The following EHD4 variants were observed in gnomAD, a reference collection of about 807,000 sequenced individuals.
EHD4 encodes the protein EH domain-containing protein 4.
Under a neutral mutation model 51.0 loss-of-function variants are expected in EHD4, and 37 were observed. The observed-to-expected ratio is 0.73, with a 90% CI of 0.56 to 0.95. The LOEUF (loss-of-function observed/expected upper bound fraction) is 0.95. Among genes scored for constraint, EHD4 ranks in the 40% least tolerant of loss-of-function variants. The pLI is 0.00. For missense variants in EHD4, 632 were observed against 733.1 expected (o/e 0.86, Z 1.59); for synonymous variants, 297 against 317.3 (o/e 0.94, Z 0.68).
chr15:41,926,589 A>G (rs2067663126), intron 3 of EHD4, among the ~76,000 whole-genome samples: 1 of 152,110 alleles, frequency 6.6e-6, no homozygotes, highest in Admixed American at 6.5e-5. Context: ...AACCTCACTA[A>G]TCTAGCCCTC....
At chr15:41,958,395 G>A (rs1411633764) in intron 1 of EHD4, among the ~76,000 whole-genome samples, 1 of 152,110 alleles carries the variant, frequency 6.6e-6, no homozygotes, top group Non-Finnish European at 1.5e-5. Flanking sequence ...GTCCGATGAG[G>A]TCCCCAGTTC....
intron 1 of EHD4, among the ~76,000 whole-genome samples, chr15:41,962,327 C>T (rs765012152): frequency 2.6e-5 from 4 of 151,726 alleles, no homozygotes; most frequent in Non-Finnish European, 2.9e-5. Context: ...GAGTAATGCA[C>T]GCAGAAGAGT....
intron 1 of EHD4, among the ~76,000 whole-genome samples, chr15:41,960,422 T>C (rs2067917144): frequency 6.6e-6 from 1 of 152,210 alleles, no homozygotes; most frequent in African/African-American, 2.4e-5. Context: ...CATCTTGATT[T>C]TTCACCATTA....
At chr15:41,940,920 G>C (rs1451433082) in intron 3 of EHD4, among the ~76,000 whole-genome samples, 1 of 152,112 alleles carries the variant, frequency 6.6e-6, no homozygotes, top group South Asian at 2.1e-4. Context: ...GCCAAAATCC[G>C]GAGGCCTTAA....
At chr15:41,967,254 G>T (rs1363906619) in intron 1 of EHD4, among the ~76,000 whole-genome samples, 1 of 152,162 alleles carries the variant, frequency 6.6e-6, no homozygotes, top group Non-Finnish European at 1.5e-5. Context: ...CTTTTAGGCT[G>T]CATTCTCAGG....
intron 5 of EHD4, among the ~76,000 whole-genome samples, chr15:41,902,777 GTATATATATGTATGTGTA>G (rs1399971302): frequency 6.7e-6 from 1 of 148,412 alleles, no homozygotes; most frequent in Non-Finnish European, 1.5e-5. Context: ...ATGTATGTGT[GTATATATATGTATGTGTA>G]TATATATGTA....
chr15:41,930,180 A>C (rs2067689067), intron 3 of EHD4, among the ~76,000 whole-genome samples: 1 of 152,224 alleles, frequency 6.6e-6, no homozygotes. Context: ...AGGATGCTTA[A>C]GAAGTCACCC....
At chr15:41,913,168 C>T (rs2067561083) in intron 4 of EHD4, among the ~76,000 whole-genome samples, 2 of 152,198 alleles carry the variant, frequency 1.3e-5, no homozygotes, top group Middle Eastern at 3.2e-3. Context: ...CTGCGAGCTG[C>T]TGGCAGGATG....
At chr15:41,955,231 C>G (rs1162488666) in intron 1 of EHD4, among the ~76,000 whole-genome samples, 1 of 152,164 alleles carries the variant, frequency 6.6e-6, no homozygotes, top group African/African-American at 2.4e-5. Context: ...TGGATGATGA[C>G]ATTACCCTCG....
rs1025723331 is a variant in EHD4, at chr15:41,899,337, G to A, written c.*1308C>T. ...GGTGTCTGAGCAGCAGTCCAGAGAGGTTTACTCAGGGGATTTGGGGAGCGC... is the reference window on the plus strand; with the variant it reads ...GGTGTCTGAGCAGCAGTCCAGAGAGATTTACTCAGGGGATTTGGGGAGCGC... On this transcript the variant is annotated 3_prime_UTR_variant, in exon 6 of 6. Coordinates refer to ENST00000220325, the MANE Select transcript of EHD4 (RefSeq NM_139265.4). The A allele has an allele frequency of 6.6e-6, 1 of 152,310 alleles. No individual in the cohort carries two copies. Among genetic ancestry groups the A allele is most frequent in the Non-Finnish European group, 1.5e-5 (1 of 68,020 alleles). 9.4% of individuals were successfully genotyped at this position (152,310 alleles called of 1,614,324 possible).
intron 1 of EHD4, among the ~76,000 whole-genome samples, chr15:41,958,026 C>T (rs1176067692): frequency 6.6e-6 from 1 of 152,002 alleles, no homozygotes; most frequent in African/African-American, 2.4e-5. Context: ...CTGTGTTAGA[C>T]ATTTCTCACG....
At chr15:41,932,592 T>G (rs1341914991) in intron 3 of EHD4, among the ~76,000 whole-genome samples, 1 of 152,116 alleles carries the variant, frequency 6.6e-6, no homozygotes, top group African/African-American at 2.4e-5. Flanking sequence ...AGGGCATGTG[T>G]GAGAAATATC....
intron 1 of EHD4, among the ~76,000 whole-genome samples, chr15:41,969,544 C>CA (rs61434884): frequency 0.072 from 10,599 of 147,040 alleles, 1,164 homozygotes; most frequent in African/African-American, 0.24. Flanking sequence ...GAAACTGTCT[C>CA]AAAAAAAAAA....
At position 41,899,011 on chromosome 15, in the gene EHD4, T is replaced by C. The variant is rs2067458181; in HGVS notation, c.*1634A>G. 6.6e-6 allele frequency: 1 copy of C among 151,946 alleles called. No homozygotes were observed. 9.4% of individuals were successfully genotyped at this position (151,946 alleles called of 1,614,324 possible). A position where few individuals can be genotyped will look rare whatever the true frequency, so the allele number is the denominator to read the frequency against. On this transcript the variant is annotated 3_prime_UTR_variant, in exon 6 of 6. Coordinates refer to ENST00000220325, the MANE Select transcript of EHD4 (RefSeq NM_139265.4). ...TCTGGATATAAATGCTTCTCCCAAA[T>C]CAAGATTTTCTCTTCAATCTGTGCC...
At position 41,909,883 on chromosome 15, in the gene EHD4, G is replaced by A. The variant is rs747705937; in HGVS notation, c.925-20C>T. On this transcript the variant is annotated intron_variant, in intron 4 of 5. Transcript: ENST00000220325. ...ATGCACCTGGAGGGGTATAGATCAG[G>A]CAGGGAAGTGTCATTTAGAATTGCA... 2 of 1,613,456 alleles carry A rather than the reference G, an allele frequency of 1.2e-6. No homozygotes were observed.
chr15:41,907,730 C>A (rs969074819), intron 5 of EHD4, among the ~76,000 whole-genome samples: 4 of 152,024 alleles, frequency 2.6e-5, no homozygotes, highest in African/African-American at 9.7e-5. Context: ...CTACGTTGCA[C>A]AGGCTGGTCT....
intron 1 of EHD4, among the ~76,000 whole-genome samples, chr15:41,965,793 A>G (rs2067957994): frequency 6.6e-6 from 1 of 152,156 alleles, no homozygotes; most frequent in Admixed American, 6.5e-5. Flanking sequence ...GTCAGGATGG[A>G]AAAAGCCTTC....
In EHD4 at chr15:41,900,021, C is replaced by T. The variant is rs1388316438; in HGVS notation, c.*624G>A. ...GGGATGGAGGCACGCTGGGGCCTGA[C>T]TGCCTGCTCTGCTGGAGACTGCAGA... On this transcript the variant is annotated 3_prime_UTR_variant, in exon 6 of 6. Transcript: ENST00000220325. The surrounding 1 kb of genome is among the most constrained non-coding windows in gnomAD (Gnocchi z 4.8). The T allele has an allele frequency of 6.6e-6, 1 of 152,600 alleles. No individual in the cohort carries two copies. Among genetic ancestry groups the T allele is most frequent in the Non-Finnish European group, 1.5e-5 (1 of 68,066 alleles). 9.5% of individuals were successfully genotyped at this position (152,600 alleles called of 1,614,324 possible).
At chr15:41,964,952 T>C (rs1474063738) in intron 1 of EHD4, among the ~76,000 whole-genome samples, 1 of 151,970 alleles carries the variant, frequency 6.6e-6, no homozygotes, top group East Asian at 1.9e-4. Context: ...TTGTATTTTT[T>C]TTTAGAGATG....
Sources: allele counts gnomAD v4.1 joint callset (sites outside exome capture counted in the v4.1 genomes callset), GRCh38; gene constraint gnomAD v4.1.1; non-coding constraint Gnocchi (gnomAD v3.1); transcripts MANE v1.5; gene names NCBI Gene and HGNC (gene_info 2026-07-23, HGNC 2026-07-21).